REDIC1: variants seen among roughly 807,000 people sequenced by gnomAD.
REDIC1 encodes regulator of DNA class I crossover intermediates 1, also known as HEI10 Interacting Protein 1.
the REDIC1 span, among the ~76,000 whole-genome samples, chr12:39,675,367 G>A: frequency 5.3e-5 from 8 of 151,876 alleles, no homozygotes; most frequent in Non-Finnish European, 8.8e-5. Flanking sequence ...ATAAACTCTT[G>A]GGAACTCTAT....
the REDIC1 span, among the ~76,000 whole-genome samples, chr12:39,886,882 A>G: frequency 6.6e-6 from 1 of 152,344 alleles, no homozygotes; most frequent in South Asian, 2.1e-4. Context: ...ATTTTTGAGC[A>G]CTTAACTAAA....
the REDIC1 span, among the ~76,000 whole-genome samples, chr12:39,866,536 T>C: frequency 6.6e-6 from 1 of 152,182 alleles, no homozygotes; most frequent in Non-Finnish European, 1.5e-5. Flanking sequence ...TGGAGTGCAG[T>C]GGCGCGATCT....
chr12:39,811,032 T>C, the REDIC1 span, among the ~76,000 whole-genome samples: 6 of 152,166 alleles, frequency 3.9e-5, no homozygotes, highest in Admixed American at 1.3e-4. Flanking sequence ...TCTGGTTTAA[T>C]TCACCAATGC....
chr12:39,706,549 C>A, the REDIC1 span, among the ~76,000 whole-genome samples: 1 of 151,908 alleles, frequency 6.6e-6, no homozygotes, highest in African/African-American at 2.4e-5. Flanking sequence ...TCTCTTACTT[C>A]AAATTATACT....
chr12:39,829,813 T>G, the REDIC1 span: 1 of 362,010 alleles, frequency 2.8e-6, no homozygotes, highest in Non-Finnish European at 5.2e-6. Context: ...GTGGGAGAAA[T>G]TGCCTTGGCA....
At chr12:39,830,616 C>G in the REDIC1 span, 3 of 323,136 alleles carry the variant, frequency 9.3e-6, no homozygotes, top group Non-Finnish European at 1.4e-5. Flanking sequence ...TCAAAGCATT[C>G]ATTTCTCTCA....
At chr12:39,824,075 A>G in the REDIC1 span, among the ~76,000 whole-genome samples, 1 of 152,234 alleles carries the variant, frequency 6.6e-6, no homozygotes, top group Admixed American at 6.5e-5. Flanking sequence ...CTTGATGTAT[A>G]TAAAACACCA....
chr12:39,658,635 T>C, the REDIC1 span, among the ~76,000 whole-genome samples: 1 of 152,256 alleles, frequency 6.6e-6, no homozygotes, highest in African/African-American at 2.4e-5. Context: ...GTCCTCTTGC[T>C]GTTTGCATTT....
At chr12:39,637,663 G>A in the REDIC1 span, among the ~76,000 whole-genome samples, 1 of 152,074 alleles carries the variant, frequency 6.6e-6, no homozygotes, top group Non-Finnish European at 1.5e-5. Context: ...CATTTACAAT[G>A]TAATTATGAC....
the REDIC1 span, among the ~76,000 whole-genome samples, chr12:39,760,445 C>A: frequency 6.6e-6 from 1 of 151,892 alleles, no homozygotes; most frequent in African/African-American, 2.4e-5. Flanking sequence ...ATGTATCTTT[C>A]TAAACTCAAG....
the REDIC1 span, among the ~76,000 whole-genome samples, chr12:39,780,794 C>T: frequency 1.9e-4 from 29 of 152,186 alleles, no homozygotes; most frequent in African/African-American, 6.5e-4. Context: ...CATGGAGCTA[C>T]ATAATGATTT....
the REDIC1 span, among the ~76,000 whole-genome samples, chr12:39,691,600 A>G: frequency 6.6e-6 from 1 of 152,188 alleles, no homozygotes; most frequent in African/African-American, 2.4e-5. Flanking sequence ...TACAAATTAC[A>G]TAGAAAGTGA....
the REDIC1 span, among the ~76,000 whole-genome samples, chr12:39,846,768 A>G: frequency 6.6e-6 from 1 of 152,154 alleles, no homozygotes; most frequent in Non-Finnish European, 1.5e-5. Context: ...AATTTGTTTA[A>G]GCCTCAGTGT....
At chr12:39,643,782 T>G in the REDIC1 span, 1 of 1,525,214 alleles carries the variant, frequency 6.6e-7, no homozygotes, top group Non-Finnish European at 9.0e-7. Flanking sequence ...ATTTTAGGAA[T>G]ATTTTGAAAA....
the REDIC1 span, among the ~76,000 whole-genome samples, chr12:39,724,439 T>G: frequency 6.6e-6 from 1 of 152,088 alleles, no homozygotes; most frequent in South Asian, 2.1e-4. Context: ...AACCTTAAGT[T>G]GCTCACAATG....
At chr12:39,728,654 G>A in the REDIC1 span, among the ~76,000 whole-genome samples, 1 of 152,070 alleles carries the variant, frequency 6.6e-6, no homozygotes, top group Non-Finnish European at 1.5e-5. Context: ...GATGATGCTG[G>A]CCTCATAAAA....
the REDIC1 span, among the ~76,000 whole-genome samples, chr12:39,705,152 A>T: frequency 1.2e-4 from 18 of 152,054 alleles, no homozygotes; most frequent in Admixed American, 6.6e-5. Flanking sequence ...TATAACAGGA[A>T]TTCAAAGGAT....
chr12:39,844,337 T>C, the REDIC1 span, among the ~76,000 whole-genome samples: 1 of 152,072 alleles, frequency 6.6e-6, no homozygotes. Flanking sequence ...AGTCAAAGTT[T>C]AATGTAAGCA....
At chr12:39,775,262 G>C in the REDIC1 span, among the ~76,000 whole-genome samples, 1 of 152,196 alleles carries the variant, frequency 6.6e-6, no homozygotes, top group Non-Finnish European at 1.5e-5. Flanking sequence ...GGCCACAAAG[G>C]TTGGTCTGGA....
Sources: gnomAD v4.1 joint callset for allele counts (sites outside exome capture counted in the v4.1 genomes callset) on GRCh38, gnomAD v4.1.1 for gene constraint, MANE v1.5 for transcripts, NCBI Gene and HGNC (gene_info 2026-07-23, HGNC 2026-07-21) for gene names.